The following CNBD1 variants were observed in gnomAD, a reference collection of about 807,000 sequenced individuals.
CNBD1 encodes cyclic nucleotide binding domain containing 1.
In CNBD1, 71 loss-of-function variants were observed where a neutral mutation model predicts 54.4. That is an observed-to-expected ratio of 1.30 (90% CI 1.08 to 1.59). CNBD1 has a LOEUF of 1.59. CNBD1 is among the 40% of genes most tolerant of loss of function. The probability of loss-of-function intolerance (pLI) is 0.00; values close to 1 mark genes in which losing one functional copy is unlikely to be tolerated. For missense variants in CNBD1, 659 were observed against 518.0 expected, an observed-to-expected ratio of 1.27 and a Z score of -2.64; for synonymous variants, 182 against 170.7, an observed-to-expected ratio of 1.07 and a Z score of -0.51.
intron 8 of CNBD1, among the ~76,000 whole-genome samples, chr8:87,342,504 A>T (rs1810085482): frequency 6.6e-6 from 1 of 152,152 alleles, no homozygotes; most frequent in African/African-American, 2.4e-5. Context: ...TAATGTAAAC[A>T]TTATGTATAC....
chr8:86,892,577 AAAG>A (rs1314978475), intron 2 of CNBD1, among the ~76,000 whole-genome samples: 2 of 152,128 alleles, frequency 1.3e-5, no homozygotes, highest in African/African-American at 2.4e-5. Context: ...CTTTTATAAT[AAAG>A]AAGAAAATAA....
chr8:87,343,273 G>T (rs1413017542), intron 8 of CNBD1, among the ~76,000 whole-genome samples: 1 of 152,100 alleles, frequency 6.6e-6, no homozygotes, highest in African/African-American at 2.4e-5. Flanking sequence ...TTTACGGTCA[G>T]ATTTCATGTT....
At chr8:87,387,793 C>T (rs1195399588), downstream of CNBD1, among the ~76,000 whole-genome samples, 1 of 152,194 alleles carries the variant, frequency 6.6e-6, no homozygotes, top group Admixed American at 6.5e-5. Flanking sequence ...CCCAAATCAG[C>T]AGAATATACA....
At chr8:86,882,390 A>G (rs1018808448) in intron 1 of CNBD1, among the ~76,000 whole-genome samples, 14 of 152,244 alleles carry the variant, frequency 9.2e-5, no homozygotes, top group Non-Finnish European at 1.8e-4. Flanking sequence ...TCAAAAGAAG[A>G]CATAAATGTG....
At chr8:87,115,170 C>T (rs1454010391) in intron 4 of CNBD1, among the ~76,000 whole-genome samples, 2 of 152,180 alleles carry the variant, frequency 1.3e-5, no homozygotes, top group Non-Finnish European at 2.9e-5. Context: ...AATCTGTAAA[C>T]ATTTGCTTTG....
intron 6 of CNBD1, among the ~76,000 whole-genome samples, chr8:87,269,901 G>A (rs1001383225): frequency 6.6e-6 from 1 of 151,886 alleles, no homozygotes. Context: ...GGAACTTCCT[G>A]ATTGTATGAA....
intron 4 of CNBD1, among the ~76,000 whole-genome samples, chr8:86,957,289 G>GT (rs912101471): frequency 1.3e-3 from 198 of 151,868 alleles, no homozygotes; most frequent in African/African-American, 3.9e-3. Context: ...CTAAAATTAT[G>GT]TTTTTTTTGT....
chr8:87,090,671 T>A (rs537466000), intron 4 of CNBD1, among the ~76,000 whole-genome samples: 18 of 152,368 alleles, frequency 1.2e-4, no homozygotes, highest in African/African-American at 4.1e-4. Context: ...GATTAATTTA[T>A]TTAATTTTTC....
At chr8:87,303,784 T>A (rs749841604) in intron 8 of CNBD1, among the ~76,000 whole-genome samples, 17 of 125,952 alleles carry the variant, frequency 1.3e-4, no homozygotes, top group Non-Finnish European at 2.7e-4. Flanking sequence ...TCAAACAAAT[T>A]TACAAGAAAA....
chr8:87,268,158 T>A (rs901262524), intron 6 of CNBD1, among the ~76,000 whole-genome samples: 1 of 152,134 alleles, frequency 6.6e-6, no homozygotes, highest in Non-Finnish European at 1.5e-5. Context: ...TTTGTGTCCA[T>A]GTGTATTCAA....
chr8:87,188,449 G>A (rs114122103), intron 4 of CNBD1, among the ~76,000 whole-genome samples: 1 of 152,156 alleles, frequency 6.6e-6, no homozygotes, highest in Non-Finnish European at 1.5e-5. Context: ...AATGAAGGAG[G>A]CTCGGTGCGG....
At chr8:86,989,099 T>A (rs2130523714) in intron 4 of CNBD1, among the ~76,000 whole-genome samples, 1 of 152,100 alleles carries the variant, frequency 6.6e-6, no homozygotes, top group South Asian at 2.1e-4. Context: ...AGTGAGATTG[T>A]GACTCTACTA....
At chr8:87,348,402 C>G (rs1032828550) in intron 8 of CNBD1, among the ~76,000 whole-genome samples, 1 of 152,058 alleles carries the variant, frequency 6.6e-6, no homozygotes, top group Non-Finnish European at 1.5e-5. Flanking sequence ...CAAGTTATTT[C>G]TTAACATTTT....
chr8:87,371,983 G>T (rs1036261752), intron 10 of CNBD1, among the ~76,000 whole-genome samples: 6 of 151,844 alleles, frequency 4.0e-5, no homozygotes, highest in African/African-American at 4.8e-5. Context: ...GGAAGTTCTG[G>T]CCAGGGCAAT....
At position 87,238,087 on chromosome 8, in the gene CNBD1, A is replaced by T. The variant is rs766799910; in HGVS notation, c.771+975A>T. Among the ~76,000 whole-genome samples, 213 of 138,436 alleles carry T rather than the reference A, an allele frequency of 1.5e-3. 6 individuals carry two copies. Among genetic ancestry groups the T allele is most frequent in the Non-Finnish European group, 4.0e-4 (27 of 67,602 alleles). The allele number at this position is 138,436 out of a possible 152,430, so 90.8% of individuals were successfully genotyped here. On this transcript the variant is annotated intron_variant, in intron 6 of 10. Transcript: ENST00000518476. ...ACCGATTTTTTTTTTTTAATGTTCA[A>T]ACTCATGTATTAAATGGGGATATGA...
At chr8:87,344,498 G>A (rs1232914549) in intron 8 of CNBD1, among the ~76,000 whole-genome samples, 2 of 151,662 alleles carry the variant, frequency 1.3e-5, no homozygotes, top group Non-Finnish European at 1.5e-5. Context: ...ATGAAGGTTG[G>A]GTCACCAATA....
chr8:87,108,246 T>C (rs578230215), intron 4 of CNBD1, among the ~76,000 whole-genome samples: 2 of 152,158 alleles, frequency 1.3e-5, no homozygotes, highest in African/African-American at 2.4e-5. Context: ...TTAAAGCCTA[T>C]TGAATATTCT....
chr8:87,110,267 G>A (rs868762428), intron 4 of CNBD1, among the ~76,000 whole-genome samples: 1 of 152,074 alleles, frequency 6.6e-6, no homozygotes, highest in South Asian at 2.1e-4. Context: ...GTGTCCTATT[G>A]GGGCCTGCAA....
rs867858266 is a variant in CNBD1 at position 87,137,155 on chromosome 8, C to A, written c.432-68838C>A. Among the ~76,000 whole-genome samples, 131 of 131,492 alleles carry A rather than the reference C, an allele frequency of 1.0e-3. 2 individuals are homozygous for A. Among genetic ancestry groups the A allele is most frequent in the African/African-American group, 3.3e-3 (112 of 34,190 alleles). The allele number at this position is 131,492 out of a possible 152,430, so 86.3% of individuals were successfully genotyped here. A position where few individuals can be genotyped will look rare whatever the true frequency, so the allele number is the denominator to read the frequency against. ...TATAAATTATATATATATTTTTATTCTATATAAATTATATATATTATATTT... is the reference window on the plus strand; with the variant it reads ...TATAAATTATATATATATTTTTATTATATATAAATTATATATATTATATTT... On this transcript the variant is annotated intron_variant, in intron 4 of 10. Transcript: ENST00000518476.
Sources: allele counts gnomAD v4.1 joint callset (sites outside exome capture counted in the v4.1 genomes callset), GRCh38; gene constraint gnomAD v4.1.1; transcripts MANE v1.5; gene names NCBI Gene and HGNC (gene_info 2026-07-23, HGNC 2026-07-21).